The following TRPV5 variants were observed in gnomAD, a reference collection of about 807,000 sequenced individuals.
TRPV5 encodes transient receptor potential cation channel subfamily V member 5.
A neutral mutation model predicts 74.1 loss-of-function variants in TRPV5; 66 were observed. That is an observed-to-expected ratio of 0.89 (90% CI 0.73 to 1.09). The LOEUF is 1.09. Among genes scored for constraint, TRPV5 ranks in the 50% least tolerant of loss-of-function variants. The pLI is 0.00. For synonymous variants in TRPV5, 399 were observed against 360.7 expected (o/e 1.11, Z -1.20); for missense variants, 936 against 930.4 (o/e 1.01, Z -0.08).
intron 3 of TRPV5, 36 bp downstream of exon 3, chr7:142,930,020 CAA>C (rs777235532): frequency 6.2e-7 from 1 of 1,613,546 alleles, no homozygotes; most frequent in African/African-American, 1.3e-5. Flanking sequence ...CCCTCCATCT[CAA>C]AGTTTCCACC....
intron 1 of TRPV5, among the ~76,000 whole-genome samples, chr7:142,932,203 G>C (rs943821761): frequency 7.9e-5 from 12 of 152,076 alleles, no homozygotes; most frequent in African/African-American, 2.7e-4. Context: ...CCCCCATCCT[G>C]AGGCCACTGC....
chr7:142,916,338 A>C (rs1040570853), intron 8 of TRPV5, among the ~76,000 whole-genome samples: 14 of 152,190 alleles, frequency 9.2e-5, no homozygotes, highest in African/African-American at 3.4e-4. Flanking sequence ...AATGAAGACC[A>C]CCCTACTTCA....
intron 2 of TRPV5, 84 bp downstream of exon 2, chr7:142,930,265 G>C: frequency 6.2e-7 from 1 of 1,609,280 alleles, no homozygotes; most frequent in East Asian, 2.2e-5. Context: ...ACCCTCCAAG[G>C]CCCTATTTCA....
intron 3 of TRPV5, 149 bp from the exon 4 acceptor site, chr7:142,929,714 G>T: frequency 7.9e-7 from 1 of 1,266,696 alleles, no homozygotes. Flanking sequence ...GGGACTAAGA[G>T]CAATTCATCC....
intron 14 of TRPV5, 129 bp from the exon 15 acceptor site, chr7:142,908,937 A>G (rs1795664023): frequency 1.1e-6 from 1 of 939,652 alleles, no homozygotes; most frequent in Non-Finnish European, 1.6e-6. Flanking sequence ...TGAAACAGGA[A>G]GAGTATCTGG....
Position 142,908,505 on chromosome 7 carries a change from C to T in TRPV5, c.*9G>A, listed in dbSNP as rs775475793. On this transcript the variant is annotated 3_prime_UTR_variant, in exon 15 of 15. Coordinates refer to ENST00000265310, the MANE Select transcript of TRPV5 (RefSeq NM_019841.7). ...CCGGGAGTAAGGTCAAGAGTGATAGCGATGTTAATCAAAAATGGTAGACCT... is the reference window on the plus strand; with the variant it reads ...CCGGGAGTAAGGTCAAGAGTGATAGTGATGTTAATCAAAAATGGTAGACCT... The T allele has an allele frequency of 3.7e-6, 6 of 1,613,414 alleles. No homozygotes were observed. The highest frequency in any genetic ancestry group is 1.6e-4 in the Middle Eastern group (1 of 6,080).
At chr7:142,921,978 T>C (rs545645125) in intron 8 of TRPV5, among the ~76,000 whole-genome samples, 1 of 152,364 alleles carries the variant, frequency 6.6e-6, no homozygotes, top group Admixed American at 6.5e-5. Flanking sequence ...CAGTCATCTT[T>C]CTCAGAAGCA....
At chr7:142,928,261 G>T in intron 6 of TRPV5, 27 bp from the exon 7 acceptor site, 1 of 1,613,832 alleles carries the variant, frequency 6.2e-7, no homozygotes, top group Non-Finnish European at 8.5e-7. Context: ...ATGAGTCAGG[G>T]GGCCAACGTG....
Position 142,925,532 on chromosome 7 carries a change from T to C in TRPV5, c.1119A>G (p.Leu373=). 2 of 1,614,030 alleles carry C rather than the reference T, an allele frequency of 1.2e-6. No individual in the cohort carries two copies. The highest frequency in any genetic ancestry group is 1.7e-6 in the Non-Finnish European group (2 of 1,179,940). ...ATCCCCTTCTGAGGAGAATCACCTG[T>C]AGTAGTTTTTGCTGGAGGATGGTGA... ...RDITILQQKL[L]QEAYETREDI... The change falls in exon 8 of 15, where the codon CTA becomes CTG. Residue 373 remains leucine (L), a synonymous_variant. Coordinates refer to ENST00000265310, the MANE Select transcript of TRPV5 (RefSeq NM_019841.7).
chr7:142,909,424 T>C lies in TRPV5; in HGVS notation c.1895+66A>G, dbSNP rs937078145. 43 of 1,561,232 alleles carry C rather than the reference T, an allele frequency of 2.8e-5. No homozygotes were observed. The Middle Eastern group carries it at 8.3e-4, about 30-fold the overall frequency. ...GCTAATGTAGGCTCCAGGACGCCTG[T>C]CGGTCACCCTTGCTTCCGTGGCCTT... On this transcript the variant is annotated intron_variant, in intron 14 of 14. Coordinates refer to ENST00000265310, the MANE Select transcript of TRPV5 (RefSeq NM_019841.7).
At chr7:142,923,962 G>A (rs1795925251) in intron 8 of TRPV5, among the ~76,000 whole-genome samples, 2 of 151,952 alleles carry the variant, frequency 1.3e-5, no homozygotes, top group South Asian at 4.2e-4. Context: ...AGGAAATAGG[G>A]CCAGGAGCAT....
chr7:142,925,999 G>GGAGA (rs1795982306), intron 7 of TRPV5, among the ~76,000 whole-genome samples: 1 of 152,212 alleles, frequency 6.6e-6, no homozygotes, highest in South Asian at 2.1e-4. Context: ...ATGAGTAAAG[G>GGAGA]GAGAGTTAGG....
rs2116576245 is a variant in TRPV5, at chr7:142,912,756, C to T, written c.1520-6G>A. 1.9e-6 allele frequency: 3 copies of T among 1,611,824 alleles called. No homozygotes were observed. The highest frequency in any genetic ancestry group is 2.2e-5 in the East Asian group (1 of 44,810). ...CTGGAAAATGATATAGAACGCTGCT[C>T]CGCCCAGGAAGAGGACATGGAGATG... On this transcript the variant is annotated splice_polypyrimidine_tract_variant and splice_region_variant and intron_variant, in intron 12 of 14. Transcript: ENST00000265310.
intron 8 of TRPV5, among the ~76,000 whole-genome samples, chr7:142,917,527 A>G (rs543940541): frequency 3.9e-5 from 6 of 152,304 alleles, no homozygotes; most frequent in African/African-American, 1.4e-4. Flanking sequence ...CCATTCCTTC[A>G]GGAGATGAAA....
At chr7:142,910,998 T>C (rs1795693745) in intron 13 of TRPV5, among the ~76,000 whole-genome samples, 1 of 152,156 alleles carries the variant, frequency 6.6e-6, no homozygotes, top group African/African-American at 2.4e-5. Context: ...ATGACCCGAA[T>C]GTGTTCCCAT....
chr7:142,910,451 C>T (rs2116572812), intron 13 of TRPV5, among the ~76,000 whole-genome samples: 1 of 152,298 alleles, frequency 6.6e-6, no homozygotes, highest in South Asian at 2.1e-4. Context: ...CATAGTCCCG[C>T]TTTGTACCGC....
intron 8 of TRPV5, among the ~76,000 whole-genome samples, chr7:142,919,180 G>A (rs1271383535): frequency 6.6e-6 from 1 of 152,212 alleles, no homozygotes; most frequent in Non-Finnish European, 1.5e-5. Flanking sequence ...GACATGTGGG[G>A]CTGCTGTGTA....
intron 12 of TRPV5, 26 bp from the exon 13 acceptor site, chr7:142,912,776 G>C: frequency 6.2e-7 from 1 of 1,607,410 alleles, no homozygotes; most frequent in African/African-American, 1.3e-5. Context: ...AGAGGACATG[G>C]AGATGGGATA....
chr7:142,925,815 G>A, intron 7 of TRPV5, 74 bp from the exon 8 acceptor site: 1 of 1,324,178 alleles, frequency 7.6e-7, no homozygotes, highest in Non-Finnish European at 1.1e-6. Flanking sequence ...GGGGCCAGAA[G>A]AGGCAGGGCA....
Sources: allele counts gnomAD v4.1 joint callset (sites outside exome capture counted in the v4.1 genomes callset), GRCh38; gene constraint gnomAD v4.1.1; transcripts MANE v1.5; gene names NCBI Gene and HGNC (gene_info 2026-07-23, HGNC 2026-07-21).